Variants in SHISA6 observed in about 807,000 individuals in gnomAD.
SHISA6 encodes protein shisa-6.
A neutral mutation model predicts 47.9 loss-of-function variants in SHISA6; 22 were observed. That is an observed-to-expected ratio of 0.46 (90% CI 0.33 to 0.66). The LOEUF (loss-of-function observed/expected upper bound fraction) is 0.66, where lower values mean the gene tolerates loss of function less well. Among genes scored for constraint, SHISA6 ranks in the 30% least tolerant of loss-of-function variants. The probability of loss-of-function intolerance (pLI) is 0.02; values close to 1 mark genes in which losing one functional copy is unlikely to be tolerated. For synonymous variants in SHISA6, 388 were observed against 337.8 expected, an observed-to-expected ratio of 1.15 and a Z score of -1.63; for missense variants, 680 against 764.6, an observed-to-expected ratio of 0.89 and a Z score of 1.30.
At chr17:11,489,594 T>C (rs2908981) in intron 3 of SHISA6, among the ~76,000 whole-genome samples, 43,245 of 151,964 alleles carry the variant, frequency 0.28, 6,593 homozygotes, top group African/African-American at 0.41. Flanking sequence ...GTAGGAGAGC[T>C]GAAGGGTAGG....
intron 1 of SHISA6, among the ~76,000 whole-genome samples, chr17:11,260,428 G>GC (rs1236410177): frequency 4.6e-5 from 7 of 152,014 alleles, no homozygotes; most frequent in Admixed American, 3.3e-4. Flanking sequence ...GGGTGACAGG[G>GC]CCCTGCTGAC....
chr17:11,443,152 C>A (rs1255087360), intron 3 of SHISA6, among the ~76,000 whole-genome samples: 1 of 152,208 alleles, frequency 6.6e-6, no homozygotes, highest in African/African-American at 2.4e-5. Flanking sequence ...GAAGCCTTGT[C>A]TTCAGGAGTC....
intron 3 of SHISA6, among the ~76,000 whole-genome samples, chr17:11,413,328 G>A (rs1914189563): frequency 6.6e-6 from 1 of 152,198 alleles, no homozygotes; most frequent in South Asian, 2.1e-4. Context: ...CTGCCCTATA[G>A]AACAAGATGT....
intron 3 of SHISA6, among the ~76,000 whole-genome samples, chr17:11,474,762 A>C (rs1389617423): frequency 6.6e-6 from 1 of 152,148 alleles, no homozygotes; most frequent in African/African-American, 2.4e-5. Flanking sequence ...AAAGTCTTGA[A>C]GTTGGGTACT....
At chr17:11,446,495 T>C (rs1915241665) in intron 3 of SHISA6, among the ~76,000 whole-genome samples, 1 of 152,210 alleles carries the variant, frequency 6.6e-6, no homozygotes. Context: ...ACCTTTAGAA[T>C]AGAACATTTC....
chr17:11,461,131 C>A (rs1915678812), intron 3 of SHISA6, among the ~76,000 whole-genome samples: 1 of 152,144 alleles, frequency 6.6e-6, no homozygotes, highest in Non-Finnish European at 1.5e-5. Context: ...GAATAGCAGG[C>A]TCACGCCTGT....
chr17:11,425,687 T>C (rs1308868792), intron 3 of SHISA6, among the ~76,000 whole-genome samples: 1 of 152,178 alleles, frequency 6.6e-6, no homozygotes, highest in Non-Finnish European at 1.5e-5. Flanking sequence ...TCAAAAATAC[T>C]ATCAAGAACC....
intron 3 of SHISA6, among the ~76,000 whole-genome samples, chr17:11,526,880 CATATATATATATATATATATATATAT>C (rs149856154): frequency 7.7e-4 from 86 of 111,920 alleles, no homozygotes; most frequent in Admixed American, 1.8e-3. Flanking sequence ...TATCTATCAT[CATATATATATATATATATATATATAT>C]ATATATATAT....
At chr17:11,385,545 G>A (rs186556655) in intron 3 of SHISA6, among the ~76,000 whole-genome samples, 109 of 152,320 alleles carry the variant, frequency 7.2e-4, no homozygotes, top group Non-Finnish European at 1.3e-3. Flanking sequence ...GTGTCTTCAT[G>A]TTAAGTTTCA....
In SHISA6 at chr17:11,241,521, G is replaced by T; in HGVS notation, c.99G>T (p.Arg33=). Residue 33 remains arginine (R), a synonymous_variant, in exon 1 of 6, where the codon CGG becomes CGT. Coordinates refer to ENST00000441885, the MANE Select transcript of SHISA6 (RefSeq NM_207386.4). The surrounding 1 kb of genome is among the most constrained non-coding windows in gnomAD (Gnocchi z 5.5). ...GAGCCCGCGGCCGCGCCGCCAACCG[G>T]ACCCTGAGTGCAGGCGGCGCTGCCG... is the stretch of plus-strand genomic sequence containing the variant. ...VHGARGRAAN[R]TLSAGGAAVG... 2 of 1,130,316 alleles carry T rather than the reference G, an allele frequency of 1.8e-6. No homozygotes were observed. Among genetic ancestry groups the T allele is most frequent in the South Asian group, 5.4e-5 (2 of 37,370 alleles). 70.0% of individuals were successfully genotyped at this position (1,130,316 alleles called of 1,614,324 possible).
rs80203521 is a variant in SHISA6 at position 11,520,786 on chromosome 17, C to T, written c.896-31110C>T. On this transcript the variant is annotated intron_variant, in intron 3 of 5. Transcript: ENST00000441885. Reference sequence around the variant, plus strand: ...ATCACTTCCTCAGAGAAAACTACCTCGATCACCCTAATAGACACCACCTCC... The same window carrying T: ...ATCACTTCCTCAGAGAAAACTACCTTGATCACCCTAATAGACACCACCTCC... Among the ~76,000 whole-genome samples the T allele has an allele frequency of 5.5e-3, 833 of 152,254 alleles. 7 individuals carry two copies. Among genetic ancestry groups the T allele is most frequent in the Non-Finnish European group, 7.7e-3 (523 of 68,014 alleles).
In SHISA6 at chr17:11,555,788, A is replaced by C. The variant is rs2071972732; in HGVS notation, c.1001A>C (p.Asp334Ala). 6.4e-7 allele frequency: 1 copy of C among 1,550,732 alleles called. No homozygotes were observed. The highest frequency in any genetic ancestry group is 8.7e-7 in the Non-Finnish European group (1 of 1,146,664). Residue 334 changes from aspartate (D) to alanine (A), a missense_variant, in exon 5 of 6, where the codon GAC (aspartate) becomes GCC (alanine). By Grantham distance (126) the Asp-to-Ala change is moderately radical. This residue lies in a region of SHISA6 where 559 missense variants were observed against 674.1 expected (regional missense o/e 0.83). Coordinates refer to ENST00000441885, the MANE Select transcript of SHISA6 (RefSeq NM_207386.4). Reference sequence around the variant, plus strand: ...CTGACATCAGCCACCGAGCCCTATGACCTCTCCTTCTCCCGCTCGTTCCAG... The same window carrying C: ...CTGACATCAGCCACCGAGCCCTATGCCCTCTCCTTCTCCCGCTCGTTCCAG... ...NILTSATEPY[D>A]LSFSRSFQNL...
intron 3 of SHISA6, among the ~76,000 whole-genome samples, chr17:11,544,318 A>G (rs2071862535): frequency 6.6e-6 from 1 of 152,220 alleles, no homozygotes; most frequent in Non-Finnish European, 1.5e-5. Context: ...CTTCTATCTA[A>G]TAATGGACTA....
intron 3 of SHISA6, among the ~76,000 whole-genome samples, chr17:11,409,413 G>A (rs1453358400): frequency 6.6e-6 from 1 of 152,132 alleles, no homozygotes; most frequent in Non-Finnish European, 1.5e-5. Flanking sequence ...AGTGTTGTCT[G>A]TATTAGAAAA....
At chr17:11,406,853 A>C (rs1913980437) in intron 3 of SHISA6, among the ~76,000 whole-genome samples, 1 of 152,192 alleles carries the variant, frequency 6.6e-6, no homozygotes, top group African/African-American at 2.4e-5. Flanking sequence ...ACGAGAGTAT[A>C]ATTGGAATAT....
At chr17:11,287,966 C>T (rs1002131270) in intron 2 of SHISA6, among the ~76,000 whole-genome samples, 17 of 152,050 alleles carry the variant, frequency 1.1e-4, no homozygotes, top group South Asian at 2.1e-4. Flanking sequence ...CATGCCCCAT[C>T]ACCCAACTTC....
intron 3 of SHISA6, among the ~76,000 whole-genome samples, chr17:11,529,267 G>A (rs919673608): frequency 1.3e-5 from 2 of 151,978 alleles, no homozygotes; most frequent in South Asian, 2.1e-4. Context: ...ATATAAGTTC[G>A]TAGTTAACTC....
chr17:11,516,572 A>T (rs1333175634), intron 3 of SHISA6, among the ~76,000 whole-genome samples: 1 of 152,200 alleles, frequency 6.6e-6, no homozygotes, highest in Admixed American at 6.5e-5. Flanking sequence ...GCATGTTCCA[A>T]TCCCCATGGT....
intron 2 of SHISA6, among the ~76,000 whole-genome samples, chr17:11,359,106 A>G (rs1912178435): frequency 6.6e-6 from 1 of 152,192 alleles, no homozygotes; most frequent in Admixed American, 6.5e-5. Context: ...ATGGGTGTAC[A>G]TTCATGGTGA....
Sources: gnomAD v4.1 joint callset for allele counts (sites outside exome capture counted in the v4.1 genomes callset) on GRCh38, gnomAD v4.1.1 for gene constraint, gnomAD v4.1.1 regional missense constraint, Gnocchi (gnomAD v3.1) non-coding constraint, MANE v1.5 for transcripts, NCBI Gene and HGNC (gene_info 2026-07-23, HGNC 2026-07-21) for gene names.